The following LSP1 variants were observed in gnomAD, a reference collection of about 807,000 sequenced individuals.
LSP1 encodes the protein lymphocyte specific protein 1.
A neutral mutation model predicts 49.3 loss-of-function variants in LSP1; 32 were observed. That is an observed-to-expected ratio of 0.65 (90% CI 0.49 to 0.87). LSP1 has a LOEUF of 0.87. Ranked by LOEUF, LSP1 falls within the 40% of genes least tolerant of loss-of-function variation. The pLI is 0.00. For synonymous variants in LSP1, 179 were observed against 178.8 expected (o/e 1.00, Z -0.01); for missense variants, 428 against 442.6 (o/e 0.97, Z 0.30).
chr11:1,853,577 G>T (rs1297316838), intron 1 of LSP1, among the ~76,000 whole-genome samples: 3 of 152,312 alleles, frequency 2.0e-5, no homozygotes, highest in Middle Eastern at 6.8e-3. Context: ...GGGGGCTGGG[G>T]AGCAGCTGTT....
At chr11:1,855,224 T>C (rs1847458450) in intron 1 of LSP1, among the ~76,000 whole-genome samples, 1 of 151,934 alleles carries the variant, frequency 6.6e-6, no homozygotes, top group Admixed American at 6.6e-5. Flanking sequence ...AACCGGGGAG[T>C]TTCCTGTCTA....
chr11:1,866,873 G>A (rs1318526493), intron 1 of LSP1: 2 of 1,539,000 alleles, frequency 1.3e-6, no homozygotes, highest in Non-Finnish European at 1.8e-6. Flanking sequence ...TCGGCCATGA[G>A]CATCCGTCCA....
chr11:1,857,368 G>A (rs936822828), intron 1 of LSP1, among the ~76,000 whole-genome samples: 2 of 152,216 alleles, frequency 1.3e-5, no homozygotes, highest in African/African-American at 4.8e-5. Context: ...CAGGATGGTG[G>A]GCCTCTGCTC....
At chr11:1,865,129 G>A (rs1436744703) in intron 1 of LSP1, 5 of 905,668 alleles carry the variant, frequency 5.5e-6, no homozygotes, top group Admixed American at 6.2e-5. Context: ...CAGCAGGACA[G>A]GAGCCTTTGA....
chr11:1,867,993 A>G (rs1847849818), intron 1 of LSP1, among the ~76,000 whole-genome samples: 2 of 152,064 alleles, frequency 1.3e-5, no homozygotes, highest in Admixed American at 6.5e-5. Context: ...CCTACCCCCA[A>G]TGCCTCCCTG....
chr11:1,864,551 G>A (rs549082010), intron 1 of LSP1, among the ~76,000 whole-genome samples: 12 of 152,218 alleles, frequency 7.9e-5, no homozygotes, highest in African/African-American at 2.6e-4. Context: ...TGAGCCCCAC[G>A]CTGCTGGGCT....
At chr11:1,873,043 CT>C (rs1848111301) in intron 1 of LSP1, among the ~76,000 whole-genome samples, 1 of 151,978 alleles carries the variant, frequency 6.6e-6, no homozygotes, top group African/African-American at 2.4e-5. Flanking sequence ...AGACCCCTCC[CT>C]GTGCACCTCT....
chr11:1,860,970 G>A (rs974502312), intron 1 of LSP1, among the ~76,000 whole-genome samples: 2 of 152,186 alleles, frequency 1.3e-5, no homozygotes, highest in South Asian at 2.1e-4. Flanking sequence ...AGATGGATAC[G>A]TGGGTGGATA....
intron 10 of LSP1, chr11:1,889,978 C>T: frequency 1.6e-6 from 1 of 637,152 alleles, no homozygotes; most frequent in Non-Finnish European, 2.9e-6. Flanking sequence ...TTGGATCCCA[C>T]TTCTGGGGCT....
chr11:1,890,208 G>C, intron 10 of LSP1: 2 of 716,962 alleles, frequency 2.8e-6, no homozygotes, highest in African/African-American at 1.7e-5. Flanking sequence ...CTTCTGCAGG[G>C]GTGATGCCAC....
At chr11:1,858,178 G>C (rs1454250222) in intron 1 of LSP1, among the ~76,000 whole-genome samples, 1 of 152,216 alleles carries the variant, frequency 6.6e-6, no homozygotes, top group East Asian at 1.9e-4. Context: ...ATTGTCCAAG[G>C]GCTGCTCCCT....
chr11:1,866,802 C>A, intron 1 of LSP1: 1 of 1,550,334 alleles, frequency 6.5e-7, no homozygotes. Context: ...GTGCAGCCCC[C>A]GGAGGAGGGG....
intron 1 of LSP1, chr11:1,870,312 T>A: frequency 3.1e-6 from 4 of 1,296,360 alleles, no homozygotes; most frequent in Non-Finnish European, 4.1e-6. Flanking sequence ...ATCCTGGGGC[T>A]TGGCAGGGGG....
chr11:1,859,394 C>T (rs2133057843), intron 1 of LSP1: 1 of 152,764 alleles, frequency 6.5e-6, no homozygotes, highest in Non-Finnish European at 1.5e-5. Flanking sequence ...ACCTCACCTA[C>T]TGCTTCTTTC....
At chr11:1,871,656 G>A (rs1026233550) in intron 1 of LSP1, among the ~76,000 whole-genome samples, 3 of 152,242 alleles carry the variant, frequency 2.0e-5, no homozygotes, top group Admixed American at 6.5e-5. Context: ...AGCGCTGTCT[G>A]CCGCTGCACG....
chr11:1,866,406 A>G (rs1037059342), intron 1 of LSP1: 27 of 1,361,770 alleles, frequency 2.0e-5, no homozygotes, highest in Non-Finnish European at 2.7e-5. Flanking sequence ...GGGTCTGAGG[A>G]GTTGAGGGCA....
chr11:1,883,942 G>A lies in LSP1; in HGVS notation c.509G>A (p.Cys170Tyr). 6.2e-7 allele frequency: 1 copy of A among 1,606,140 alleles called. No homozygotes were observed. The highest frequency in any genetic ancestry group is 8.5e-7 in the Non-Finnish European group (1 of 1,177,624). ...TTTTTTTTTTTCTAGCACCAGAAAT[G>A]TCAGCAGCCCAGGACACCCAGCCCC... ...AEEEQEEHQK[C>Y]QQPRTPSPLV... The change falls in exon 5 of 11, where the codon TGT becomes TAT. Residue 170 changes from cysteine (C) to tyrosine (Y), a missense_variant. Physicochemically the swap from Cys to Tyr is radical, Grantham distance 194. Transcript: ENST00000311604.
At chr11:1,857,482 C>G (rs1847518566) in intron 1 of LSP1, among the ~76,000 whole-genome samples, 1 of 152,188 alleles carries the variant, frequency 6.6e-6, no homozygotes, top group African/African-American at 2.4e-5. Context: ...TGGAAAGGGC[C>G]CAGTGGTCTC....
At chr11:1,888,889 A>G (rs1848865231) in intron 10 of LSP1, 2 of 414,334 alleles carry the variant, frequency 4.8e-6, no homozygotes, top group Non-Finnish European at 8.6e-6. Context: ...CCCGACGCAG[A>G]CCCCTTCTCT....
Sources: allele counts gnomAD v4.1 joint callset (sites outside exome capture counted in the v4.1 genomes callset), GRCh38; gene constraint gnomAD v4.1.1; transcripts MANE v1.5; gene names NCBI Gene and HGNC (gene_info 2026-07-23, HGNC 2026-07-21).